The following RLN2 variants were observed in gnomAD, a reference collection of about 807,000 sequenced individuals.
RLN2 encodes the protein relaxin 2.
A neutral mutation model predicts 7.3 loss-of-function variants in RLN2; 10 were observed. The observed-to-expected ratio is 1.36, with a 90% CI of 0.84 to 2.31. The LOEUF is 2.31. RLN2 is among the 30% of genes most tolerant of loss of function. The pLI is 0.00. For synonymous variants in RLN2, 103 were observed against 82.3 expected (o/e 1.25, Z -1.36); for missense variants, 298 against 217.6 (o/e 1.37, Z -2.32).
chr9:5,325,174 C>A, the RLN2 span, among the ~76,000 whole-genome samples: 1 of 151,608 alleles, frequency 6.6e-6, no homozygotes, highest in East Asian at 1.9e-4. Context: ...GACAGGTGGC[C>A]GATAGGGGAA....
chr9:5,321,904 T>G, the RLN2 span, among the ~76,000 whole-genome samples: 2 of 152,104 alleles, frequency 1.3e-5, no homozygotes, highest in East Asian at 3.8e-4. Flanking sequence ...TCCTCTTCTC[T>G]ATCTCTAGCT....
At chr9:5,314,291 G>A in the RLN2 span, among the ~76,000 whole-genome samples, 6 of 152,156 alleles carry the variant, frequency 3.9e-5, no homozygotes, top group African/African-American at 1.2e-4. Context: ...CCATCCACAA[G>A]CTGAGCTGCT....
At chr9:5,305,472 T>G (rs1816231932), upstream of RLN2, among the ~76,000 whole-genome samples, 2 of 151,496 alleles carry the variant, frequency 1.3e-5, no homozygotes, top group South Asian at 4.2e-4. Context: ...AAAGAATATT[T>G]TGGTAACAAA....
At chr9:5,306,220 G>A (rs1287209613), upstream of RLN2, among the ~76,000 whole-genome samples, 1 of 149,884 alleles carries the variant, frequency 6.7e-6, no homozygotes, top group East Asian at 2.0e-4. Flanking sequence ...CAATTCTCCT[G>A]CCTCAGCCTC....
At chr9:5,308,169 T>C (rs1816287489), upstream of RLN2, among the ~76,000 whole-genome samples, 2 of 152,034 alleles carry the variant, frequency 1.3e-5, no homozygotes, top group Admixed American at 1.3e-4. Flanking sequence ...ATGCTTTCCT[T>C]TCAGGTTATC....
the RLN2 span, among the ~76,000 whole-genome samples, chr9:5,310,706 A>G: frequency 6.6e-6 from 1 of 152,072 alleles, no homozygotes; most frequent in African/African-American, 2.4e-5. Context: ...CTTTCAAATA[A>G]CACTAACTTA....
the RLN2 span, among the ~76,000 whole-genome samples, chr9:5,322,048 G>C: frequency 6.6e-6 from 1 of 152,070 alleles, no homozygotes; most frequent in African/African-American, 2.4e-5. Context: ...TCTGTAGCTT[G>C]GTGCCCAAAT....
chr9:5,326,874 G>A, the RLN2 span, among the ~76,000 whole-genome samples: 2 of 151,954 alleles, frequency 1.3e-5, no homozygotes, highest in African/African-American at 4.8e-5. Context: ...AGAAAAAATT[G>A]ATAACAGAAA....
chr9:5,335,259 AT>A, the RLN2 span: 244 of 1,583,862 alleles, frequency 1.5e-4, 3 homozygotes, highest in South Asian at 2.7e-3. Context: ...TCTCAGCAAT[AT>A]TTAGCAAGAG....
Position 5,300,014 on chromosome 9 carries a change from T to C in RLN2, c.*84A>G. ...AAAGATTCTTAGATATTCTAAGAAT[T>C]GATGGGACCTGATAGAAGCATCAGT... On this transcript the variant is annotated 3_prime_UTR_variant, in exon 2 of 2. Transcript: ENST00000381627. 3 of 791,554 alleles carry C rather than the reference T, an allele frequency of 3.8e-6. No individual in the cohort carries two copies. 49.0% of individuals were successfully genotyped at this position (791,554 alleles called of 1,614,324 possible).
At chr9:5,329,029 T>C in the RLN2 span, among the ~76,000 whole-genome samples, 112,879 of 151,424 alleles carry the variant, frequency 0.75, 42,856 homozygotes, top group African/African-American at 0.88. Context: ...ATCGGCCGGG[T>C]GCGGTGGCTC....
the RLN2 span, among the ~76,000 whole-genome samples, chr9:5,310,744 T>C: frequency 6.6e-6 from 1 of 152,062 alleles, no homozygotes; most frequent in African/African-American, 2.4e-5. Context: ...TGTTTTATAA[T>C]AAAAAGTAAT....
chr9:5,311,680 G>C, the RLN2 span: 1 of 1,300,556 alleles, frequency 7.7e-7, no homozygotes, highest in South Asian at 1.2e-5. Context: ...AAACAGACCA[G>C]GCACAGAAAG....
chr9:5,320,096 C>G, the RLN2 span, among the ~76,000 whole-genome samples: 1 of 151,504 alleles, frequency 6.6e-6, no homozygotes, highest in Non-Finnish European at 1.5e-5. Context: ...AGCCATTCTC[C>G]TGCCTCAGCC....
At chr9:5,325,657 T>C in the RLN2 span, among the ~76,000 whole-genome samples, 2 of 152,062 alleles carry the variant, frequency 1.3e-5, no homozygotes, top group African/African-American at 2.4e-5. Context: ...AAAAACAAGA[T>C]ATACTACTTA....
At chr9:5,312,200 C>G in the RLN2 span, among the ~76,000 whole-genome samples, 214 of 152,100 alleles carry the variant, frequency 1.4e-3, 4 homozygotes, top group African/African-American at 5.1e-3. Context: ...ACATGGCCAC[C>G]TTGGCACAAA....
the RLN2 span, among the ~76,000 whole-genome samples, chr9:5,318,236 T>G: frequency 6.6e-6 from 1 of 152,058 alleles, no homozygotes; most frequent in Non-Finnish European, 1.5e-5. Context: ...CCTGCCACTT[T>G]TATTTTCTCC....
intron 1 of RLN2, chr9:5,304,129 G>C: frequency 2.6e-6 from 1 of 383,596 alleles, no homozygotes; most frequent in Non-Finnish European, 4.4e-6. Context: ...GGGTGAAGCA[G>C]CTTCCTGTTC....
the RLN2 span, among the ~76,000 whole-genome samples, chr9:5,330,913 G>T: frequency 6.6e-6 from 1 of 151,492 alleles, no homozygotes; most frequent in Non-Finnish European, 1.5e-5. Context: ...TGATAAAGGG[G>T]GTATCACCAC....
Sources: gnomAD v4.1 joint callset for allele counts (sites outside exome capture counted in the v4.1 genomes callset) on GRCh38, gnomAD v4.1.1 for gene constraint, MANE v1.5 for transcripts, NCBI Gene and HGNC (gene_info 2026-07-23, HGNC 2026-07-21) for gene names.